The following TDRD3 variants were observed in gnomAD, a reference collection of about 807,000 sequenced individuals.
The protein encoded by TDRD3 is tudor domain containing 3, also known as tudor domain-containing protein 3.
TDRD3 carries 45 observed loss-of-function variants against 86.7 expected under a neutral mutation model. That is an observed-to-expected ratio of 0.52 (90% confidence interval 0.41 to 0.67). The LOEUF is 0.67. TDRD3 is among the 30% of genes least tolerant of loss of function. The probability of loss-of-function intolerance (pLI) is 0.00; values close to 1 mark genes in which losing one functional copy is unlikely to be tolerated. For synonymous variants in TDRD3, 298 were observed against 301.7 expected, an observed-to-expected ratio of 0.99 and a Z score of 0.13; for missense variants, 814 against 889.0, an observed-to-expected ratio of 0.92 and a Z score of 1.07.
chr13:60,521,510 A>G (rs1957284260), intron 10 of TDRD3, among the ~76,000 whole-genome samples: 1 of 152,166 alleles, frequency 6.6e-6, no homozygotes. Flanking sequence ...ACCTATAGTC[A>G]CTAAACTGGA....
rs201961402 is a variant in TDRD3, at chr13:60,477,013, CT to C, written c.496-6752del. On this transcript the variant is annotated intron_variant, in intron 5 of 13. Coordinates refer to ENST00000377881, the MANE Select transcript of TDRD3 (RefSeq NM_001146070.2). ...TCATCAGCAAAGAGAGATAGTTTGACTTTTTTTTTTATTTGGATGTCATATA... is the reference window on the plus strand; with the variant it reads ...TCATCAGCAAAGAGAGATAGTTTGACTTTTTTTTTATTTGGATGTCATATA... 1.5e-3 allele frequency among the ~76,000 whole-genome samples: 222 copies of C among 147,472 alleles called. 2 individuals are homozygous for C. In the East Asian group the frequency reaches 0.017, roughly 11 times the overall value.
intron 7 of TDRD3, among the ~76,000 whole-genome samples, chr13:60,492,678 TA>T (rs976316077): frequency 3.3e-5 from 5 of 152,168 alleles, no homozygotes; most frequent in East Asian, 1.9e-4. Context: ...GCATTTCAAA[TA>T]TTTTTTTTTT....
chr13:60,527,613 A>G (rs191991710), intron 10 of TDRD3, among the ~76,000 whole-genome samples: 1 of 152,200 alleles, frequency 6.6e-6, no homozygotes, highest in Non-Finnish European at 1.5e-5. Flanking sequence ...AATAAAAATC[A>G]CTATGTGAAA....
chr13:60,444,875 A>G (rs535560828), intron 3 of TDRD3, 127 bp downstream of exon 3: 1 of 454,536 alleles, frequency 2.2e-6, no homozygotes, highest in East Asian at 3.9e-5. Flanking sequence ...AACAGGTCAC[A>G]AAGTCATTGT....
At chr13:60,520,302 T>A (rs1306250550) in intron 10 of TDRD3, among the ~76,000 whole-genome samples, 1 of 152,226 alleles carries the variant, frequency 6.6e-6, no homozygotes, top group Non-Finnish European at 1.5e-5. Flanking sequence ...GGTGTTTTTA[T>A]TTAGCATAAT....
chr13:60,410,698 T>G (rs1440415628), intron 1 of TDRD3, among the ~76,000 whole-genome samples: 1 of 152,168 alleles, frequency 6.6e-6, no homozygotes, highest in African/African-American at 2.4e-5. Context: ...TCAGTTTTGC[T>G]TCTTGGGGAT....
At chr13:60,486,693 T>C (rs1407992327) in intron 7 of TDRD3, among the ~76,000 whole-genome samples, 1 of 152,222 alleles carries the variant, frequency 6.6e-6, no homozygotes, top group Non-Finnish European at 1.5e-5. Flanking sequence ...AGTGTTTTAT[T>C]GAACACTAGA....
intron 1 of TDRD3, among the ~76,000 whole-genome samples, chr13:60,434,739 C>G (rs981116915): frequency 6.6e-6 from 1 of 151,986 alleles, no homozygotes; most frequent in Admixed American, 6.6e-5. Flanking sequence ...AAACAAGAAC[C>G]CTCTGGTGTC....
At chr13:60,479,552 TTA>T (rs1226874291) in intron 5 of TDRD3, among the ~76,000 whole-genome samples, 2 of 152,164 alleles carry the variant, frequency 1.3e-5, no homozygotes, top group African/African-American at 4.8e-5. Flanking sequence ...AATTTTTGTG[TTA>T]TGTTTCTGCA....
chr13:60,477,643 T>G (rs1211676521), intron 5 of TDRD3, among the ~76,000 whole-genome samples: 1 of 152,248 alleles, frequency 6.6e-6, no homozygotes, highest in African/African-American at 2.4e-5. Context: ...GTAGTTTTTG[T>G]TGTTAATTCT....
intron 12 of TDRD3, among the ~76,000 whole-genome samples, chr13:60,555,848 CTTTCTTTTTTT>C (rs1958171068): frequency 1.5e-5 from 2 of 136,138 alleles, no homozygotes; most frequent in Admixed American, 1.5e-4. Context: ...CAACCTATTT[CTTTCTTTTTTT>C]TTTTTTTTTG....
At chr13:60,485,099 T>C (rs967715530) in intron 6 of TDRD3, among the ~76,000 whole-genome samples, 27 of 152,142 alleles carry the variant, frequency 1.8e-4, no homozygotes, top group African/African-American at 5.1e-4. Context: ...GTCAATATGA[T>C]ATGTTTATAT....
chr13:60,521,569 G>A (rs1957284912), intron 10 of TDRD3, among the ~76,000 whole-genome samples: 1 of 152,064 alleles, frequency 6.6e-6, no homozygotes, highest in African/African-American at 2.4e-5. Flanking sequence ...TGCAGCCCAC[G>A]AGATGTAGCA....
At chr13:60,397,072 C>T (rs1354583550), upstream of TDRD3, 4 of 320,126 alleles carry the variant, frequency 1.2e-5, no homozygotes, top group Admixed American at 5.0e-5. Flanking sequence ...GAGGCAAAGT[C>T]CCTGAACCGT....
chr13:60,448,985 A>G (rs1360434316), intron 3 of TDRD3, among the ~76,000 whole-genome samples: 1 of 152,122 alleles, frequency 6.6e-6, no homozygotes, highest in Admixed American at 6.6e-5. Flanking sequence ...TCTAAGTTCT[A>G]AGAATGACAG....
chr13:60,523,714 C>T (rs1028824238), intron 10 of TDRD3, among the ~76,000 whole-genome samples: 2 of 151,422 alleles, frequency 1.3e-5, no homozygotes, highest in Non-Finnish European at 2.9e-5. Context: ...ATAGCTGGGA[C>T]TACAGGTGCA....
chr13:60,422,138 A>C (rs1954674530), intron 1 of TDRD3, among the ~76,000 whole-genome samples: 1 of 152,198 alleles, frequency 6.6e-6, no homozygotes, highest in African/African-American at 2.4e-5. Context: ...TTTGAAATGC[A>C]TAGCTTCTGG....
At position 60,418,645 on chromosome 13, in the gene TDRD3, A is replaced by ATTGTGATG. The variant is rs576985193; in HGVS notation, c.42-21042_42-21041insTGTGATGT. On this transcript the variant is annotated intron_variant, in intron 1 of 13. Transcript: ENST00000377881. Reference sequence around the variant, plus strand: ...GCACAGCTCTTAAGTGTTTAGCATGATAGGTTTTGATAGTTGTGTACGTTT... The same window carrying ATTGTGATG: ...GCACAGCTCTTAAGTGTTTAGCATGATTGTGATGTAGGTTTTGATAGTTGTGTACGTTT... Among the ~76,000 whole-genome samples, 620 of 152,292 alleles carry ATTGTGATG rather than the reference A, an allele frequency of 4.1e-3. 3 individuals carry two copies. The highest frequency in any genetic ancestry group is 6.8e-3 in the Non-Finnish European group (463 of 68,010).
intron 1 of TDRD3, among the ~76,000 whole-genome samples, chr13:60,433,792 T>C (rs546244150): frequency 6.6e-6 from 1 of 152,320 alleles, no homozygotes; most frequent in East Asian, 1.9e-4. Flanking sequence ...TTTAGCTCAG[T>C]CAGCTGATGT....
Sources: allele counts gnomAD v4.1 joint callset (sites outside exome capture counted in the v4.1 genomes callset), GRCh38; gene constraint gnomAD v4.1.1; transcripts MANE v1.5; gene names NCBI Gene and HGNC (gene_info 2026-07-23, HGNC 2026-07-21).